Variants in ZNF423 observed in about 807,000 individuals in gnomAD.
ZNF423 encodes Ebf-associated zinc finger protein.
Under a neutral mutation model 95.8 loss-of-function variants are expected in ZNF423, and 12 were observed. The observed-to-expected ratio is 0.13, with a 90% CI of 0.08 to 0.20. ZNF423 has a LOEUF of 0.20. Ranked by LOEUF, ZNF423 falls within the 10% of genes least tolerant of loss-of-function variation. The pLI, the probability that ZNF423 is intolerant of heterozygous loss-of-function variation, is 1.00. For synonymous variants in ZNF423, 749 were observed against 711.9 expected (o/e 1.05, Z -0.83); for missense variants, 1,316 against 1,737.1 (o/e 0.76, Z 4.31).
Position 49,807,826 on chromosome 16 carries a change from G to A in ZNF423, c.41-18280C>T, listed in dbSNP as rs562244145. On this transcript the variant is annotated intron_variant, in intron 1 of 7. Coordinates refer to ENST00000563137, the MANE Select transcript of ZNF423 (RefSeq NM_001379286.1). ...CAGGGGCCGTGACAGGGTCTGCCTG[G>A]GCACAGGCTCCAGAGCAGCAACTCA... Among the ~76,000 whole-genome samples, 62 of 152,268 alleles carry A rather than the reference G, an allele frequency of 4.1e-4. 1 individual carries two copies. The highest frequency in any genetic ancestry group is 1.5e-3 in the African/African-American group (61 of 41,556).
chr16:49,664,190 G>A (rs796732514), intron 3 of ZNF423: 18 of 985,456 alleles, frequency 1.8e-5, no homozygotes, highest in African/African-American at 1.7e-4. Context: ...CAGGGCAGGC[G>A]AGGGCTGGAG....
chr16:49,757,677 C>T (rs1275590372), intron 2 of ZNF423, among the ~76,000 whole-genome samples: 3 of 152,248 alleles, frequency 2.0e-5, no homozygotes, highest in Admixed American at 1.3e-4. Flanking sequence ...GTGAGGAGCC[C>T]GGCTCAGCAG....
intron 2 of ZNF423, among the ~76,000 whole-genome samples, chr16:49,757,381 C>T (rs965962888): frequency 6.6e-6 from 1 of 152,172 alleles, no homozygotes. Flanking sequence ...TATCCTGTTC[C>T]CATGTAGAGA....
chr16:49,829,805 G>A (rs1031451330), intron 1 of ZNF423, among the ~76,000 whole-genome samples: 3 of 152,198 alleles, frequency 2.0e-5, no homozygotes, highest in African/African-American at 7.2e-5. Flanking sequence ...GGGGGCTCCA[G>A]TGGAGAGGAG....
chr16:49,791,800 G>A (rs1407896655), intron 1 of ZNF423, among the ~76,000 whole-genome samples: 5 of 151,982 alleles, frequency 3.3e-5, no homozygotes, highest in Non-Finnish European at 5.9e-5. Context: ...TCAGGAGTTC[G>A]AGGCCAGCTT....
intron 5 of ZNF423, among the ~76,000 whole-genome samples, chr16:49,606,866 G>C (rs1261201949): frequency 3.3e-5 from 5 of 152,188 alleles, no homozygotes; most frequent in African/African-American, 1.2e-4. Context: ...GAGAAGTGGG[G>C]ACCATGCAAG....
chr16:49,536,814 T>C (rs564712595), intron 5 of ZNF423, among the ~76,000 whole-genome samples: 37 of 152,366 alleles, frequency 2.4e-4, no homozygotes, highest in African/African-American at 8.4e-4. Flanking sequence ...CTCTGGGTAG[T>C]ACAGAATATT....
intron 2 of ZNF423, among the ~76,000 whole-genome samples, chr16:49,758,054 C>T (rs992605477): frequency 6.6e-6 from 1 of 152,214 alleles, no homozygotes; most frequent in Non-Finnish European, 1.5e-5. Context: ...GTAGGCACTT[C>T]CTGCCTCGCC....
At chr16:49,816,258 T>G (rs781563849) in intron 1 of ZNF423, among the ~76,000 whole-genome samples, 8 of 152,054 alleles carry the variant, frequency 5.3e-5, no homozygotes, top group Non-Finnish European at 1.0e-4. Context: ...GAAAACAAAA[T>G]GATCCTGACA....
At position 49,620,876 on chromosome 16, in the gene ZNF423, G is replaced by C. The variant is rs972986174; in HGVS notation, c.3601+5294C>G. On this transcript the variant is annotated intron_variant, in intron 5 of 7. Transcript: ENST00000563137. ...CCAGACTCAGGCCCTGCCCCCCAGG[G>C]TGAGGTGCCATGTGCCCCAGGAGGG... Among the ~76,000 whole-genome samples, 48 of 152,242 alleles carry C rather than the reference G, an allele frequency of 3.2e-4. 1 individual carries two copies. The highest frequency in any genetic ancestry group is 1.3e-4 in the Non-Finnish European group (9 of 68,038).
intron 3 of ZNF423, among the ~76,000 whole-genome samples, chr16:49,704,967 C>T (rs1395207471): frequency 6.6e-6 from 1 of 152,218 alleles, no homozygotes; most frequent in Non-Finnish European, 1.5e-5. Flanking sequence ...AACACTGCCA[C>T]CTCCAGGAGG....
At chr16:49,723,379 T>G (rs553125013) in intron 3 of ZNF423, among the ~76,000 whole-genome samples, 50 of 152,202 alleles carry the variant, frequency 3.3e-4, no homozygotes, top group Non-Finnish European at 5.7e-4. Flanking sequence ...GCCAGGCATC[T>G]CAAGCAGGCT....
chr16:49,776,314 C>G (rs967561128), intron 2 of ZNF423, among the ~76,000 whole-genome samples: 24 of 152,206 alleles, frequency 1.6e-4, no homozygotes, highest in African/African-American at 5.5e-4. Context: ...GCCAGCCCAG[C>G]GGGTGGGGAG....
intron 3 of ZNF423, among the ~76,000 whole-genome samples, chr16:49,647,216 C>T (rs986539959): frequency 5.9e-5 from 9 of 152,224 alleles, no homozygotes; most frequent in Non-Finnish European, 1.3e-4. Context: ...ACAACCCCAC[C>T]TGCCATTGAG....
chr16:49,604,837 A>C (rs1043729423), intron 5 of ZNF423, among the ~76,000 whole-genome samples: 1 of 152,122 alleles, frequency 6.6e-6, no homozygotes, highest in African/African-American at 2.4e-5. Flanking sequence ...CACTGTCCCT[A>C]CTGGTGTGAT....
At chr16:49,810,483 CCTCT>C (rs996052739) in intron 1 of ZNF423, among the ~76,000 whole-genome samples, 2 of 152,124 alleles carry the variant, frequency 1.3e-5, no homozygotes, top group Admixed American at 1.3e-4. Context: ...TCCCCATAAT[CCTCT>C]CTGAGGGCCC....
At chr16:49,834,614 G>A (rs112227300) in intron 1 of ZNF423, among the ~76,000 whole-genome samples, 74 of 152,292 alleles carry the variant, frequency 4.9e-4, no homozygotes, top group East Asian at 2.3e-3. Context: ...GGGGTTGGGG[G>A]AAACCGGAGC....
chr16:49,604,120 T>C (rs1290248974), intron 5 of ZNF423, among the ~76,000 whole-genome samples: 2 of 152,178 alleles, frequency 1.3e-5, no homozygotes, highest in African/African-American at 2.4e-5. Flanking sequence ...CCAGATAATA[T>C]GCACAAGCAG....
chr16:49,502,090 A>G (rs1274674355), intron 7 of ZNF423, among the ~76,000 whole-genome samples: 1 of 152,058 alleles, frequency 6.6e-6, no homozygotes, highest in Non-Finnish European at 1.5e-5. Context: ...TGTTTAAAGT[A>G]CTATGCAAGC....
Sources: gnomAD v4.1 joint callset for allele counts (sites outside exome capture counted in the v4.1 genomes callset) on GRCh38, gnomAD v4.1.1 for gene constraint, MANE v1.5 for transcripts, NCBI Gene and HGNC (gene_info 2026-07-23, HGNC 2026-07-21) for gene names.